FBXO8: variants seen among roughly 807,000 people sequenced by gnomAD.
The protein encoded by FBXO8 is F-box only protein 8.
A neutral mutation model predicts 33.4 loss-of-function variants in FBXO8; 15 were observed. The ratio of observed to expected loss-of-function variants is 0.45; its 90% confidence interval spans 0.30 to 0.69. The LOEUF (loss-of-function observed/expected upper bound fraction) is 0.69. Ranked by LOEUF, FBXO8 falls within the 30% of genes least tolerant of loss-of-function variation. FBXO8 has a pLI of 0.08. For synonymous variants in FBXO8, 132 were observed against 131.5 expected (o/e 1.00, Z -0.02); for missense variants, 274 against 380.3 (o/e 0.72, Z 2.32).
rs995037916 is a variant in FBXO8 at position 174,281,924 on chromosome 4, T to C, written c.-9+1486A>G. On this transcript the variant is annotated intron_variant, in intron 1 of 5. Transcript: ENST00000393674. This position sits in a 1 kb window ranked among gnomAD's most constrained non-coding sequence, Gnocchi z 4.6. ...AAAGAAACAGAAATTAAATGCATAA[T>C]TCTTAGACTTTAGTATTAATGATTT... Among the ~76,000 whole-genome samples, 3 of 152,206 alleles carry C rather than the reference T, an allele frequency of 2.0e-5. No homozygotes were observed. Among genetic ancestry groups the C allele is most frequent in the African/African-American group, 7.2e-5 (3 of 41,450 alleles).
chr4:174,254,809 T>C lies in FBXO8; in HGVS notation c.456+4890A>G, dbSNP rs2126428251. 6.6e-6 allele frequency among the ~76,000 whole-genome samples: 1 copy of C among 152,208 alleles called. No individual in the cohort carries two copies. The highest frequency in any genetic ancestry group is 2.1e-4 in the South Asian group (1 of 4,826). On this transcript the variant is annotated intron_variant, in intron 3 of 5. Transcript: ENST00000393674. The surrounding 1 kb of genome is among the most constrained non-coding windows in gnomAD (Gnocchi z 4.2). ...GAAAACAATTACAGACCCACAGACT[T>C]TGATAAGAGAGAAGATTACATCAGA...
Position 174,237,250 on chromosome 4 carries a change from A to G in FBXO8, c.*162T>C. 1 of 565,340 alleles carries G rather than the reference A, an allele frequency of 1.8e-6. No homozygotes were observed. Among genetic ancestry groups the G allele is most frequent in the Non-Finnish European group, 3.0e-6 (1 of 337,886 alleles). 35.0% of individuals were successfully genotyped at this position (565,340 alleles called of 1,614,324 possible). ...GCAAAATTATTTAGTTCCCCAAGGA[A>G]ATTACTAAAATAGAAAATGGCAAAA... On this transcript the variant is annotated 3_prime_UTR_variant, in exon 6 of 6. Coordinates refer to ENST00000393674, the MANE Select transcript of FBXO8 (RefSeq NM_012180.3). The surrounding 1 kb of genome is among the most constrained non-coding windows in gnomAD (Gnocchi z 4.4).
At chr4:174,268,519 G>A (rs1255477577) in intron 1 of FBXO8, among the ~76,000 whole-genome samples, 10 of 152,024 alleles carry the variant, frequency 6.6e-5, no homozygotes, top group Admixed American at 5.2e-4. Flanking sequence ...TGCAAGTTCC[G>A]CCTCCCTCCC....
At chr4:174,240,016 G>A (rs1002465137) in intron 4 of FBXO8, among the ~76,000 whole-genome samples, 1 of 151,108 alleles carries the variant, frequency 6.6e-6, no homozygotes, top group African/African-American at 2.4e-5. Flanking sequence ...TGTAAATACA[G>A]CTTATTAGAA....
chr4:174,255,940 C>A lies in FBXO8; in HGVS notation c.456+3759G>T. On this transcript the variant is annotated intron_variant, in intron 3 of 5. Transcript: ENST00000393674. This position sits in a 1 kb window ranked among gnomAD's most constrained non-coding sequence, Gnocchi z 4.3. The stretch of plus-strand genomic sequence containing the variant: ...GAATGTGGCCACCTGCCACAAAGTA[C>A]ACAAGCTCATGCACAAGATCAAGAC... The A allele has an allele frequency of 3.4e-6, 1 of 291,038 alleles. No homozygotes were observed. The highest frequency in any genetic ancestry group is 7.1e-6 in the Non-Finnish European group (1 of 141,254). 18.0% of individuals were successfully genotyped at this position (291,038 alleles called of 1,614,324 possible). A position where few individuals can be genotyped will look rare whatever the true frequency, so the allele number is the denominator to read the frequency against.
Position 174,237,617 on chromosome 4 carries a change from C to T in FBXO8, c.773-18G>A. 1 of 1,576,524 alleles carries T rather than the reference C, an allele frequency of 6.3e-7. No individual in the cohort carries two copies. The highest frequency in any genetic ancestry group is 8.6e-7 in the Non-Finnish European group (1 of 1,156,470). ...GACAGCATCTGGAAAGAAAAAGAAA[C>T]AGTTCAAATTATTAGTTGGTTTACA... On this transcript the variant is annotated intron_variant, in intron 5 of 5. Coordinates refer to ENST00000393674, the MANE Select transcript of FBXO8 (RefSeq NM_012180.3). The surrounding 1 kb of genome is among the most constrained non-coding windows in gnomAD (Gnocchi z 4.4).
rs1305472071 is a variant in FBXO8, at chr4:174,274,660, C to A, written c.-9+8750G>T. On this transcript the variant is annotated intron_variant, in intron 1 of 5. Transcript: ENST00000393674. The surrounding 1 kb of genome is among the most constrained non-coding windows in gnomAD (Gnocchi z 4.0). ...CCACACAATAGGTTACATGAATAAACCCAGTATCAAACACAGTGCCTTGGC... is the reference window on the plus strand; with the variant it reads ...CCACACAATAGGTTACATGAATAAAACCAGTATCAAACACAGTGCCTTGGC... Among the ~76,000 whole-genome samples the A allele has an allele frequency of 1.3e-5, 2 of 152,102 alleles. No homozygotes were observed. Among genetic ancestry groups the A allele is most frequent in the Non-Finnish European group, 2.9e-5 (2 of 68,010 alleles).
Position 174,265,619 on chromosome 4 carries a change from A to G in FBXO8, c.-8-2519T>C, listed in dbSNP as rs769034982. Reference sequence around the variant, plus strand: ...AGAAGCAAATCTAAAAAAGTTCTTTACTGTATGATTCTAATTATAAGACAT... The same window carrying G: ...AGAAGCAAATCTAAAAAAGTTCTTTGCTGTATGATTCTAATTATAAGACAT... On this transcript the variant is annotated intron_variant, in intron 1 of 5. Transcript: ENST00000393674. This position sits in a 1 kb window ranked among gnomAD's most constrained non-coding sequence, Gnocchi z 4.7. Among the ~76,000 whole-genome samples, 13 of 152,182 alleles carry G rather than the reference A, an allele frequency of 8.5e-5. No individual in the cohort carries two copies. Among genetic ancestry groups the G allele is most frequent in the Non-Finnish European group, 1.9e-4 (13 of 67,982 alleles).
intron 1 of FBXO8, among the ~76,000 whole-genome samples, chr4:174,282,735 A>G (rs1737151304): frequency 1.3e-5 from 2 of 152,196 alleles, no homozygotes; most frequent in African/African-American, 4.8e-5. Context: ...TTGAAAATGA[A>G]TATTTTACTT....
Position 174,253,312 on chromosome 4 carries a change from G to C in FBXO8, c.456+6387C>G, listed in dbSNP as rs1334038832. On this transcript the variant is annotated intron_variant, in intron 3 of 5. Coordinates refer to ENST00000393674, the MANE Select transcript of FBXO8 (RefSeq NM_012180.3). This position sits in a 1 kb window ranked among gnomAD's most constrained non-coding sequence, Gnocchi z 4.5. ...CTATATCCTTTTCTTTTGCCACACTGTGTAGTAGTATTTCCCTCTGGTTAT... is the reference window on the plus strand; with the variant it reads ...CTATATCCTTTTCTTTTGCCACACTCTGTAGTAGTATTTCCCTCTGGTTAT... Among the ~76,000 whole-genome samples, 1 of 152,178 alleles carries C rather than the reference G, an allele frequency of 6.6e-6. No homozygotes were observed. The highest frequency in any genetic ancestry group is 1.5e-5 in the Non-Finnish European group (1 of 68,042).
At chr4:174,239,643 T>A (rs1488696265) in intron 4 of FBXO8, among the ~76,000 whole-genome samples, 1 of 151,912 alleles carries the variant, frequency 6.6e-6, no homozygotes, top group African/African-American at 2.4e-5. Context: ...ATATGCTATA[T>A]ATTGTTTTAT....
At position 174,259,196 on chromosome 4, in the gene FBXO8, A is replaced by C. The variant is rs778813990; in HGVS notation, c.456+503T>G. Among the ~76,000 whole-genome samples, 2 of 152,088 alleles carry C rather than the reference A, an allele frequency of 1.3e-5. No individual in the cohort carries two copies. The highest frequency in any genetic ancestry group is 2.9e-5 in the Non-Finnish European group (2 of 67,942). On this transcript the variant is annotated intron_variant, in intron 3 of 5. Transcript: ENST00000393674. This position sits in a 1 kb window ranked among gnomAD's most constrained non-coding sequence, Gnocchi z 4.3. ...ATACAAAATTATTCAATTTTATAAC[A>C]ATCTATAAATAGTTCCTATGTCAAC...
intron 3 of FBXO8, among the ~76,000 whole-genome samples, chr4:174,243,232 C>T (rs1294908431): frequency 4.0e-5 from 6 of 151,274 alleles, no homozygotes; most frequent in African/African-American, 1.5e-4. Flanking sequence ...CCAAATCAAT[C>T]AAATACATAG....
chr4:174,240,478 TCA>T (rs1736007682), intron 4 of FBXO8, among the ~76,000 whole-genome samples: 1 of 151,830 alleles, frequency 6.6e-6, no homozygotes, highest in Non-Finnish European at 1.5e-5. Flanking sequence ...AAATGGTAGT[TCA>T]GTTATGTGGC....
At chr4:174,280,247 C>T (rs1737048747) in intron 1 of FBXO8, among the ~76,000 whole-genome samples, 1 of 151,896 alleles carries the variant, frequency 6.6e-6, no homozygotes, top group Non-Finnish European at 1.5e-5. Context: ...CAGTCAACAT[C>T]ACTAATCATT....
In FBXO8 at chr4:174,257,647, T is replaced by G. The variant is rs1010967032; in HGVS notation, c.456+2052A>C. ...TCATTCAATTACCTCAACAGACTGATGCAAAATATATATCTTTATTGTGAC... is the reference window on the plus strand; with the variant it reads ...TCATTCAATTACCTCAACAGACTGAGGCAAAATATATATCTTTATTGTGAC... On this transcript the variant is annotated intron_variant, in intron 3 of 5. Transcript: ENST00000393674. The surrounding 1 kb of genome is among the most constrained non-coding windows in gnomAD (Gnocchi z 4.3). Among the ~76,000 whole-genome samples the G allele has an allele frequency of 6.6e-6, 1 of 152,108 alleles. No individual in the cohort carries two copies. The highest frequency in any genetic ancestry group is 1.5e-5 in the Non-Finnish European group (1 of 68,008).
chr4:174,264,198 T>C (rs1271851467), intron 1 of FBXO8, among the ~76,000 whole-genome samples: 2 of 152,158 alleles, frequency 1.3e-5, no homozygotes, highest in Non-Finnish European at 1.5e-5. Context: ...TAAAATATAA[T>C]GTGGCTTCAA....
Position 174,251,986 on chromosome 4 carries a change from T to C in FBXO8, c.456+7713A>G, listed in dbSNP as rs1448727749. ...ACTGAGAATTAGCAATGTTTATTTA[T>C]GAAACAGGGTCTTGCTTTGTCACTC... On this transcript the variant is annotated intron_variant, in intron 3 of 5. Transcript: ENST00000393674. The surrounding 1 kb of genome is among the most constrained non-coding windows in gnomAD (Gnocchi z 4.2). 6.6e-6 allele frequency among the ~76,000 whole-genome samples: 1 copy of C among 152,192 alleles called. No individual in the cohort carries two copies. Among genetic ancestry groups the C allele is most frequent in the Non-Finnish European group, 1.5e-5 (1 of 68,030 alleles).
chr4:174,273,374 A>T (rs1736883910), intron 1 of FBXO8, among the ~76,000 whole-genome samples: 1 of 141,664 alleles, frequency 7.1e-6, no homozygotes, highest in South Asian at 2.2e-4. Flanking sequence ...ACAGTTTTGG[A>T]TTAAAAGAGG....
Sources: gnomAD v4.1 joint callset for allele counts (sites outside exome capture counted in the v4.1 genomes callset) on GRCh38, gnomAD v4.1.1 for gene constraint, Gnocchi (gnomAD v3.1) non-coding constraint, MANE v1.5 for transcripts, NCBI Gene and HGNC (gene_info 2026-07-23, HGNC 2026-07-21) for gene names.